EFNA5: variants seen among roughly 807,000 people sequenced by gnomAD.
EFNA5 encodes ephrin A5.
EFNA5 carries 5 observed loss-of-function variants against 22.9 expected under a neutral mutation model. The ratio of observed to expected loss-of-function variants is 0.22; its 90% confidence interval spans 0.11 to 0.46. The LOEUF is 0.46. EFNA5 is among the 20% of genes least tolerant of loss of function. The pLI is 0.99. For synonymous variants in EFNA5, 113 were observed against 112.2 expected, an observed-to-expected ratio of 1.01 and a Z score of -0.04; for missense variants, 237 against 293.3, an observed-to-expected ratio of 0.81 and a Z score of 1.40.
At chr5:107,643,737 A>T (rs1750573026) in intron 1 of EFNA5, among the ~76,000 whole-genome samples, 2 of 152,074 alleles carry the variant, frequency 1.3e-5, no homozygotes, top group Non-Finnish European at 2.9e-5. Context: ...AATTTAGACA[A>T]GGGCAAGTTA....
intron 1 of EFNA5, among the ~76,000 whole-genome samples, chr5:107,466,133 C>T (rs1054813759): frequency 8.5e-5 from 13 of 152,134 alleles, no homozygotes; most frequent in East Asian, 3.9e-4. Context: ...ATTCCAAAGA[C>T]GGTGCTCGAG....
chr5:107,541,118 GAAGA>G (rs1405012782), intron 1 of EFNA5, among the ~76,000 whole-genome samples: 2 of 151,322 alleles, frequency 1.3e-5, no homozygotes, highest in Non-Finnish European at 3.0e-5. Context: ...AAAAAAGAAG[GAAGA>G]AAGAAAGAAA....
At chr5:107,565,757 A>T (rs1210385608) in intron 1 of EFNA5, among the ~76,000 whole-genome samples, 1 of 152,236 alleles carries the variant, frequency 6.6e-6, no homozygotes, top group East Asian at 1.9e-4. Flanking sequence ...ATTATTTTTA[A>T]CTTATATGGT....
intron 1 of EFNA5, among the ~76,000 whole-genome samples, chr5:107,627,248 T>C (rs552561132): frequency 6.6e-6 from 1 of 152,322 alleles, no homozygotes; most frequent in African/African-American, 2.4e-5. Flanking sequence ...CAAATGGGGA[T>C]GAAACATTCA....
intron 1 of EFNA5, among the ~76,000 whole-genome samples, chr5:107,633,012 A>C (rs1750291078): frequency 6.6e-6 from 1 of 152,170 alleles, no homozygotes; most frequent in Non-Finnish European, 1.5e-5. Flanking sequence ...TTTGTGTACA[A>C]TGCAGATTTT....
intron 1 of EFNA5, among the ~76,000 whole-genome samples, chr5:107,432,294 G>A (rs1186966408): frequency 6.6e-6 from 1 of 152,214 alleles, no homozygotes; most frequent in Non-Finnish European, 1.5e-5. Context: ...GCTTTCATGA[G>A]CTCTAGCTCA....
At chr5:107,669,056 T>C (rs2112566117) in intron 1 of EFNA5, among the ~76,000 whole-genome samples, 1 of 152,172 alleles carries the variant, frequency 6.6e-6, no homozygotes, top group South Asian at 2.1e-4. Context: ...TAGGGGGAAC[T>C]CCCTCCTGGT....
intron 1 of EFNA5, among the ~76,000 whole-genome samples, chr5:107,596,287 A>T (rs1044447038): frequency 2.0e-5 from 3 of 151,922 alleles, no homozygotes; most frequent in East Asian, 1.9e-4. Flanking sequence ...ATAACTCCCC[A>T]TTTTCCCCTT....
chr5:107,501,724 C>A (rs1458898208), intron 1 of EFNA5, among the ~76,000 whole-genome samples: 4 of 152,144 alleles, frequency 2.6e-5, no homozygotes, highest in Non-Finnish European at 5.9e-5. Flanking sequence ...GTATTTTAAG[C>A]CTCACTTTGT....
chr5:107,566,206 GC>G (rs2112481643), intron 1 of EFNA5, among the ~76,000 whole-genome samples: 1 of 152,296 alleles, frequency 6.6e-6, no homozygotes, highest in African/African-American at 2.4e-5. Flanking sequence ...CAATCCCTGG[GC>G]CTTCATAAAC....
chr5:107,399,692 C>G (rs955166938), intron 2 of EFNA5, among the ~76,000 whole-genome samples: 5 of 152,134 alleles, frequency 3.3e-5, no homozygotes, highest in Non-Finnish European at 5.9e-5. Context: ...GTTAAAGCAC[C>G]TCAGATGTTA....
chr5:107,521,284 C>T (rs562031618), intron 1 of EFNA5, among the ~76,000 whole-genome samples: 4 of 151,462 alleles, frequency 2.6e-5, no homozygotes, highest in Admixed American at 6.6e-5. Context: ...TATGTATTTA[C>T]TTATTTATTT....
intron 1 of EFNA5, among the ~76,000 whole-genome samples, chr5:107,461,985 C>T (rs1441137529): frequency 6.6e-6 from 1 of 152,142 alleles, no homozygotes; most frequent in Non-Finnish European, 1.5e-5. Flanking sequence ...AACTAAATTC[C>T]AATGTGCCCT....
intron 1 of EFNA5, among the ~76,000 whole-genome samples, chr5:107,435,883 A>G (rs1417552212): frequency 6.6e-6 from 1 of 152,206 alleles, no homozygotes; most frequent in Non-Finnish European, 1.5e-5. Flanking sequence ...GCAGCATAAG[A>G]GTTTTACCTT....
intron 2 of EFNA5, among the ~76,000 whole-genome samples, chr5:107,422,525 G>C (rs565838162): frequency 6.6e-6 from 1 of 152,360 alleles, no homozygotes; most frequent in Admixed American, 6.5e-5. Context: ...AAGAAAGTGA[G>C]AGCAAGGCAC....
At chr5:107,634,212 A>G (rs982153293) in intron 1 of EFNA5, among the ~76,000 whole-genome samples, 1 of 152,000 alleles carries the variant, frequency 6.6e-6, no homozygotes, top group Non-Finnish European at 1.5e-5. Context: ...TTAGTATCCT[A>G]TTTTTTTAAT....
intron 1 of EFNA5, among the ~76,000 whole-genome samples, chr5:107,435,024 T>G (rs956869215): frequency 3.3e-5 from 5 of 152,232 alleles, no homozygotes; most frequent in African/African-American, 1.2e-4. Context: ...AAACTAATTC[T>G]AGAGTGAATA....
rs549113687 is a variant in EFNA5 at position 107,515,398 on chromosome 5, G to A, written c.126-87889C>T. Among the ~76,000 whole-genome samples, 40 of 126,826 alleles carry A rather than the reference G, an allele frequency of 3.2e-4. No individual in the cohort carries two copies. In the South Asian group the frequency reaches 6.3e-3, roughly 20 times the overall value. The allele number at this position is 126,826 out of a possible 152,430, so 83.2% of individuals were successfully genotyped here. ...TATTATTATTATTATTATTATTATT[G>A]AGATGGAGTCTTGCTGTGTTGCCAG... On this transcript the variant is annotated intron_variant, in intron 1 of 4. Coordinates refer to ENST00000333274, the MANE Select transcript of EFNA5 (RefSeq NM_001962.3).
intron 1 of EFNA5, among the ~76,000 whole-genome samples, chr5:107,445,104 C>T (rs1396496074): frequency 1.3e-5 from 2 of 152,120 alleles, no homozygotes; most frequent in African/African-American, 2.4e-5. Context: ...CTCACTGCAA[C>T]CTCCACCTCC....
Sources: gnomAD v4.1 joint callset for allele counts (sites outside exome capture counted in the v4.1 genomes callset) on GRCh38, gnomAD v4.1.1 for gene constraint, MANE v1.5 for transcripts, NCBI Gene and HGNC (gene_info 2026-07-23, HGNC 2026-07-21) for gene names.